Variants in PLAGL1 observed in about 807,000 individuals in gnomAD.
PLAGL1 encodes zinc finger protein PLAGL1.
PLAGL1 carries 1 observed loss-of-function variant against 4.6 expected under a neutral mutation model. The ratio of observed to expected loss-of-function variants is 0.22; its 90% CI spans 0.08 to 1.03. The LOEUF is 1.03. Among genes scored for constraint, PLAGL1 ranks in the 50% least tolerant of loss-of-function variants. The pLI is 0.58. For missense variants in PLAGL1, 464 were observed against 570.4 expected (o/e 0.81, Z 1.90); for synonymous variants, 240 against 237.8 (o/e 1.01, Z -0.08).
chr6:144,012,750 A>G (rs1332783514), upstream of PLAGL1, among the ~76,000 whole-genome samples: 1 of 152,162 alleles, frequency 6.6e-6, no homozygotes, highest in East Asian at 1.9e-4. This position sits in a 1 kb window ranked among gnomAD's most constrained non-coding sequence, Gnocchi z 4.8. Flanking sequence ...TCAATGACGC[A>G]TGCTTTGGCA....
chr6:143,967,048 C>T (rs917502184), intron 3 of PLAGL1: 3 of 152,038 alleles, frequency 2.0e-5, no homozygotes, highest in African/African-American at 7.2e-5. Flanking sequence ...TTAGATCCAA[C>T]CTAAGAAAGA....
intron 1 of PLAGL1, among the ~76,000 whole-genome samples, chr6:144,051,548 A>T (rs573302195): frequency 1.2e-3 from 188 of 152,336 alleles, no homozygotes; most frequent in Non-Finnish European, 1.4e-3. Context: ...CACTAAGAAA[A>T]ACATTTCATG....
chr6:144,060,754 C>A (rs201816666), intron 1 of PLAGL1, among the ~76,000 whole-genome samples: 2 of 152,228 alleles, frequency 1.3e-5, no homozygotes, highest in East Asian at 3.8e-4. Flanking sequence ...ATTTGACCCA[C>A]ATCCCTCATC....
rs1263699565 is a variant in PLAGL1, at chr6:144,006,442, C to G, written c.-584+1648G>C. The stretch of plus-strand genomic sequence containing the variant: ...TGAGCCCCTGACCCTCTCCTCCCCA[C>G]TAGGAGATGACCATTAGCTTGACTT... On this transcript the variant is annotated intron_variant, in intron 1 of 7. Transcript: ENST00000674357. This position sits in a 1 kb window ranked among gnomAD's most constrained non-coding sequence, Gnocchi z 4.3. 1 of 152,280 alleles carries G rather than the reference C, an allele frequency of 6.6e-6. No individual in the cohort carries two copies. 9.4% of individuals were successfully genotyped at this position (152,280 alleles called of 1,614,324 possible).
Position 144,062,183 on chromosome 6 carries a change from C to T in PLAGL1, c.-151+2285G>A, listed in dbSNP as rs1799463019. On this transcript the variant is annotated intron_variant, in intron 1 of 3. Transcript: ENST00000437412. The stretch of plus-strand genomic sequence containing the variant: ...ACGAGGTCATGAGATGGAGACCATC[C>T]TGGCTAACACGGTGAAACCCTGTCT... Among the ~76,000 whole-genome samples the T allele has an allele frequency of 2.6e-5, 4 of 151,986 alleles. No homozygotes were observed. In the South Asian group the frequency reaches 8.3e-4, roughly 32 times the overall value.
chr6:143,941,938 G>A lies in PLAGL1; in HGVS notation c.878C>T (p.Ser293Phe), dbSNP rs1020357400. The A allele has an allele frequency of 1.2e-6, 2 of 1,607,636 alleles. No individual in the cohort carries two copies. The highest frequency in any genetic ancestry group is 8.5e-7 in the Non-Finnish European group (1 of 1,176,206). ...GTGATTGGGAAGGGGTGGCGGAGGA[G>A]AGCCAGGGGATACCGAGGGGTGGAG... Reference protein sequence around the residue: ...ASLHPSVSPGSPPPPLPNHKY... With the variant: ...ASLHPSVSPGFPPPPLPNHKY... The change falls in exon 8 of 8, where the codon TCT (serine) becomes TTT (phenylalanine). Residue 293 changes from serine to phenylalanine, a missense_variant. Transcript: ENST00000674357. This position sits in a 1 kb window ranked among gnomAD's most constrained non-coding sequence, Gnocchi z 6.0.
chr6:143,957,561 A>C lies in PLAGL1; in HGVS notation c.-325+2908T>G, dbSNP rs1782421337. 6.6e-6 allele frequency among the ~76,000 whole-genome samples: 1 copy of C among 152,228 alleles called. No homozygotes were observed. Among genetic ancestry groups the C allele is most frequent in the Admixed American group, 6.5e-5 (1 of 15,292 alleles). ...TGGAGGAACCAGAACTCTAATTAGC[A>C]GCAGGACCTATTATTTTTCCAATAA... On this transcript the variant is annotated intron_variant, in intron 6 of 7. Coordinates refer to ENST00000674357, the MANE Select transcript of PLAGL1 (RefSeq NM_001317162.2). This position sits in a 1 kb window ranked among gnomAD's most constrained non-coding sequence, Gnocchi z 4.2.
At position 144,059,748 on chromosome 6, in the gene PLAGL1, A is replaced by G. The variant is rs966082270; in HGVS notation, c.-151+4720T>C. 6.6e-6 allele frequency among the ~76,000 whole-genome samples: 1 copy of G among 152,210 alleles called. No individual in the cohort carries two copies. Among genetic ancestry groups the G allele is most frequent in the African/African-American group, 2.4e-5 (1 of 41,456 alleles). ...TGGCTGCATTAAGCTTTGTCTTGCC[A>G]TTAATAATATTTTCCATCCCTGAGG... is the stretch of plus-strand genomic sequence containing the variant. On this transcript the variant is annotated intron_variant, in intron 1 of 3. Coordinates refer to the PLAGL1 transcript ENST00000437412. The surrounding 1 kb of genome is among the most constrained non-coding windows in gnomAD (Gnocchi z 4.9).
chr6:144,001,781 T>C (rs1465656200), intron 1 of PLAGL1, among the ~76,000 whole-genome samples: 1 of 152,168 alleles, frequency 6.6e-6, no homozygotes, highest in Non-Finnish European at 1.5e-5. Flanking sequence ...GCACAACAGC[T>C]CTGCGATATT....
At chr6:144,054,009 AATG>A (rs1471897989) in intron 1 of PLAGL1, among the ~76,000 whole-genome samples, 1 of 152,112 alleles carries the variant, frequency 6.6e-6, no homozygotes, top group Non-Finnish European at 1.5e-5. Context: ...TGGTCTAACA[AATG>A]ATACTATTTA....
At position 144,004,784 on chromosome 6, in the gene PLAGL1, C is replaced by T. The variant is rs1793794794; in HGVS notation, c.-584+3306G>A. 6.6e-6 allele frequency: 1 copy of T among 151,664 alleles called. No individual in the cohort carries two copies. The highest frequency in any genetic ancestry group is 2.4e-5 in the African/African-American group (1 of 41,294). 9.4% of individuals were successfully genotyped at this position (151,664 alleles called of 1,614,324 possible). The stretch of plus-strand genomic sequence containing the variant: ...AATATATTAAATACATTAAATCTAC[C>T]TTAAAAGATGTGGGTGATAGAGTGA... On this transcript the variant is annotated intron_variant, in intron 1 of 7. Coordinates refer to ENST00000674357, the MANE Select transcript of PLAGL1 (RefSeq NM_001317162.2). The surrounding 1 kb of genome is among the most constrained non-coding windows in gnomAD (Gnocchi z 4.2).
intron 1 of PLAGL1, among the ~76,000 whole-genome samples, chr6:144,030,437 C>A (rs1198612746): frequency 6.6e-6 from 1 of 151,920 alleles, no homozygotes; most frequent in Admixed American, 6.6e-5. Context: ...GATTTTGGTG[C>A]ACCCATCACC....
intron 1 of PLAGL1, among the ~76,000 whole-genome samples, chr6:144,026,599 G>T (rs913440949): frequency 2.6e-5 from 4 of 152,110 alleles, no homozygotes; most frequent in Non-Finnish European, 5.9e-5. Flanking sequence ...ATTTCTGATG[G>T]TATATTCTTA....
chr6:143,956,858 G>C (rs149639604), intron 6 of PLAGL1, among the ~76,000 whole-genome samples: 15 of 152,242 alleles, frequency 9.9e-5, no homozygotes, highest in Admixed American at 9.2e-4. Flanking sequence ...AGGGGGAAGG[G>C]ATGACTCTGA....
chr6:143,971,952 A>C lies in PLAGL1; in HGVS notation c.-543-2974T>G, dbSNP rs1785501133. On this transcript the variant is annotated intron_variant, in intron 2 of 7. Transcript: ENST00000674357. The surrounding 1 kb of genome is among the most constrained non-coding windows in gnomAD (Gnocchi z 4.7). ...AGAAGAGAGCTTGGATCTGAAAAGA[A>C]AAATGCCACACACTGGTGATGCTTC... Among the ~76,000 whole-genome samples, 1 of 152,258 alleles carries C rather than the reference A, an allele frequency of 6.6e-6. No individual in the cohort carries two copies. Among genetic ancestry groups the C allele is most frequent in the Non-Finnish European group, 1.5e-5 (1 of 68,050 alleles).
rs759364240 is a variant in PLAGL1, at chr6:144,048,038, A to G, written c.-151+16430T>C. On this transcript the variant is annotated intron_variant, in intron 1 of 3. Coordinates refer to the PLAGL1 transcript ENST00000437412. The surrounding 1 kb of genome is among the most constrained non-coding windows in gnomAD (Gnocchi z 4.8). ...AGAAATTGGTCAAAACAAAAGGGCT[A>G]CAGGCTCCATGCAAGTCCAAAATCC... Among the ~76,000 whole-genome samples, 3 of 152,232 alleles carry G rather than the reference A, an allele frequency of 2.0e-5. No individual in the cohort carries two copies. The highest frequency in any genetic ancestry group is 4.4e-5 in the Non-Finnish European group (3 of 68,034).
At chr6:143,946,658 C>A (rs528748919) in intron 7 of PLAGL1, among the ~76,000 whole-genome samples, 1 of 152,318 alleles carries the variant, frequency 6.6e-6, no homozygotes, top group South Asian at 2.1e-4. Flanking sequence ...TTTCAAGTGC[C>A]TTCCTCCAGG....
chr6:144,007,333 C>G (rs1430667065), intron 1 of PLAGL1: 2 of 152,076 alleles, frequency 1.3e-5, no homozygotes, highest in Non-Finnish European at 2.9e-5. Flanking sequence ...CAGTGAGGCC[C>G]CAGAAAGCAC....
At chr6:144,028,759 G>A (rs1796561723) in intron 1 of PLAGL1, among the ~76,000 whole-genome samples, 1 of 152,148 alleles carries the variant, frequency 6.6e-6, no homozygotes, top group Non-Finnish European at 1.5e-5. Context: ...AAAGCAAGTG[G>A]ATCCAAAGCA....
Sources: allele counts gnomAD v4.1 joint callset (sites outside exome capture counted in the v4.1 genomes callset), GRCh38; gene constraint gnomAD v4.1.1; non-coding constraint Gnocchi (gnomAD v3.1); transcripts MANE v1.5; gene names NCBI Gene and HGNC (gene_info 2026-07-23, HGNC 2026-07-21).